CPQ: variants seen among roughly 807,000 people sequenced by gnomAD.
CPQ encodes carboxypeptidase Q.
In CPQ, 37 loss-of-function variants were observed where a neutral mutation model predicts 45.7. The observed-to-expected ratio is 0.81, with a 90% CI of 0.62 to 1.07. CPQ has a LOEUF of 1.07. CPQ is among the 50% of genes least tolerant of loss of function. The pLI is 0.00. For missense variants in CPQ, 537 were observed against 572.9 expected, an observed-to-expected ratio of 0.94 and a Z score of 0.64; for synonymous variants, 186 against 205.8, an observed-to-expected ratio of 0.90 and a Z score of 0.82.
intron 3 of CPQ, among the ~76,000 whole-genome samples, chr8:96,870,868 G>T (rs548903617): frequency 6.6e-6 from 1 of 151,904 alleles, no homozygotes; most frequent in African/African-American, 2.4e-5. Context: ...TGGCGTTGAG[G>T]GATCACTACA....
chr8:96,718,832 C>T (rs1436734536), intron 1 of CPQ, among the ~76,000 whole-genome samples: 1 of 152,120 alleles, frequency 6.6e-6, no homozygotes, highest in African/African-American at 2.4e-5. Flanking sequence ...TTCTCCAAGG[C>T]CCCACCAGAG....
chr8:97,103,466 TC>T (rs777638415), intron 7 of CPQ, among the ~76,000 whole-genome samples: 2 of 152,206 alleles, frequency 1.3e-5, no homozygotes, highest in Non-Finnish European at 2.9e-5. Flanking sequence ...TCCACTCCTG[TC>T]TTATCTCTAC....
At chr8:96,723,660 C>T (rs76872724) in intron 1 of CPQ, among the ~76,000 whole-genome samples, 8,742 of 152,092 alleles carry the variant, frequency 0.057, 261 homozygotes, top group Middle Eastern at 0.1. Flanking sequence ...GACATAATTT[C>T]GAGCTGTAGA....
intron 1 of CPQ, among the ~76,000 whole-genome samples, chr8:96,728,331 C>T (rs1416870981): frequency 6.6e-6 from 1 of 152,044 alleles, no homozygotes; most frequent in Non-Finnish European, 1.5e-5. Context: ...TTTAATGGCT[C>T]TCAAACTTAT....
At chr8:96,784,237 C>A (rs767857153) in intron 1 of CPQ, among the ~76,000 whole-genome samples, 5 of 152,054 alleles carry the variant, frequency 3.3e-5, no homozygotes, top group Non-Finnish European at 5.9e-5. Context: ...TAACAAAGCC[C>A]AGTCTTTTTA....
At chr8:96,652,656 G>A (rs1815589642) in intron 1 of CPQ, among the ~76,000 whole-genome samples, 1 of 152,048 alleles carries the variant, frequency 6.6e-6, no homozygotes, top group South Asian at 2.1e-4. Flanking sequence ...TGTTTGAGAC[G>A]GAGTCTTGCT....
At chr8:96,780,933 CTG>C (rs1249358105) in intron 1 of CPQ, among the ~76,000 whole-genome samples, 4 of 152,038 alleles carry the variant, frequency 2.6e-5, no homozygotes, top group African/African-American at 9.7e-5. Flanking sequence ...GAATGAAAAT[CTG>C]TGTGCTCTAG....
chr8:97,044,571 A>G (rs1376230978), intron 6 of CPQ, among the ~76,000 whole-genome samples: 2 of 151,990 alleles, frequency 1.3e-5, no homozygotes, highest in Admixed American at 6.6e-5. Context: ...TGCTTTTTAG[A>G]GTTTCCAGTT....
intron 4 of CPQ, among the ~76,000 whole-genome samples, chr8:96,893,997 A>G (rs1812410663): frequency 6.6e-6 from 1 of 152,184 alleles, no homozygotes; most frequent in Admixed American, 6.5e-5. Context: ...TAGAACATAA[A>G]ATGCAGTGTA....
intron 7 of CPQ, among the ~76,000 whole-genome samples, chr8:97,067,085 C>A (rs758726911): frequency 6.6e-6 from 1 of 151,842 alleles, no homozygotes. Flanking sequence ...CACCACCATG[C>A]CTGGCTAACT....
intron 1 of CPQ, among the ~76,000 whole-genome samples, chr8:96,716,743 A>C (rs1040743969): frequency 6.6e-6 from 1 of 152,030 alleles, no homozygotes; most frequent in Non-Finnish European, 1.5e-5. Flanking sequence ...CCCCGTCTCT[A>C]CTAAAAATAC....
intron 6 of CPQ, among the ~76,000 whole-genome samples, chr8:97,046,494 G>A (rs1317248054): frequency 6.6e-6 from 1 of 152,138 alleles, no homozygotes; most frequent in Non-Finnish European, 1.5e-5. Flanking sequence ...CAAATTTAGG[G>A]AGCTTAACAA....
intron 2 of CPQ, among the ~76,000 whole-genome samples, chr8:96,801,824 G>A (rs1359867620): frequency 6.6e-6 from 1 of 152,068 alleles, no homozygotes; most frequent in African/African-American, 2.4e-5. Flanking sequence ...TAGCAAATCT[G>A]TCTGCCTTTT....
intron 7 of CPQ, among the ~76,000 whole-genome samples, chr8:97,073,473 A>G (rs11984452): frequency 0.017 from 2,634 of 152,248 alleles, 83 homozygotes; most frequent in African/African-American, 0.06. Context: ...AAAACACTGT[A>G]CAGTGATGTT....
At position 96,814,914 on chromosome 8, in the gene CPQ, TTA is replaced by T. The variant is rs1811206367; in HGVS notation, c.434-20055_434-20054del. On this transcript the variant is annotated intron_variant, in intron 2 of 7. Transcript: ENST00000220763. ...AATGCCAATCACAAAAGACCACATT[TTA>T]TATGATTCCATTTATATAAAATGTA... Among the ~76,000 whole-genome samples the T allele has an allele frequency of 2.6e-5, 4 of 152,252 alleles. No homozygotes were observed. The South Asian group carries it at 8.3e-4, about 32-fold the overall frequency.
At chr8:96,744,203 A>G (rs1810141228) in intron 1 of CPQ, among the ~76,000 whole-genome samples, 1 of 152,208 alleles carries the variant, frequency 6.6e-6, no homozygotes, top group Non-Finnish European at 1.5e-5. Flanking sequence ...AGCCAGTCGG[A>G]AAAGCGCAGT....
intron 1 of CPQ, among the ~76,000 whole-genome samples, chr8:96,664,093 C>G (rs745721025): frequency 8.6e-5 from 13 of 152,036 alleles, no homozygotes; most frequent in Non-Finnish European, 1.5e-4. Flanking sequence ...CAACACTTGC[C>G]ACATTGTAAA....
intron 2 of CPQ, among the ~76,000 whole-genome samples, chr8:96,813,252 A>G (rs192082737): frequency 6.6e-6 from 1 of 152,200 alleles, no homozygotes; most frequent in African/African-American, 2.4e-5. Flanking sequence ...TTCTGGTGGG[A>G]AGTAGAGAAT....
intron 1 of CPQ, among the ~76,000 whole-genome samples, chr8:96,760,525 G>A (rs1217207446): frequency 6.6e-6 from 1 of 152,084 alleles, no homozygotes; most frequent in African/African-American, 2.4e-5. Flanking sequence ...ATGTTTTAAG[G>A]GCTAATGAGA....
Sources: gnomAD v4.1 joint callset for allele counts (sites outside exome capture counted in the v4.1 genomes callset) on GRCh38, gnomAD v4.1.1 for gene constraint, MANE v1.5 for transcripts, NCBI Gene and HGNC (gene_info 2026-07-23, HGNC 2026-07-21) for gene names.